Variants in PTPRN2 observed in about 807,000 individuals in gnomAD.
PTPRN2 encodes receptor-type tyrosine-protein phosphatase N2.
Under a neutral mutation model 118.8 loss-of-function variants are expected in PTPRN2, and 74 were observed. The ratio of observed to expected loss-of-function variants is 0.62; its 90% CI spans 0.52 to 0.76. PTPRN2 has a LOEUF of 0.76. PTPRN2 is among the 30% of genes least tolerant of loss of function. The pLI, the probability that PTPRN2 is intolerant of heterozygous loss-of-function variation, is 0.00. For missense variants in PTPRN2, 1,481 were observed against 1,394.4 expected, an observed-to-expected ratio of 1.06 and a Z score of -0.99; for synonymous variants, 641 against 608.0, an observed-to-expected ratio of 1.05 and a Z score of -0.80.
At chr7:157,542,836 G>A (rs1377906485) in intron 22 of PTPRN2, among the ~76,000 whole-genome samples, 4 of 152,232 alleles carry the variant, frequency 2.6e-5, no homozygotes, top group African/African-American at 4.8e-5. Flanking sequence ...TGTGGGCGTC[G>A]GCTGGCAGGA....
intron 12 of PTPRN2, among the ~76,000 whole-genome samples, chr7:157,702,748 A>G (rs953142607): frequency 6.6e-6 from 1 of 152,232 alleles, no homozygotes; most frequent in African/African-American, 2.4e-5. Flanking sequence ...ATACCACAAC[A>G]TATGCCACCA....
At chr7:157,968,817 GA>G (rs1188790863) in intron 11 of PTPRN2, among the ~76,000 whole-genome samples, 3 of 152,066 alleles carry the variant, frequency 2.0e-5, no homozygotes, top group Non-Finnish European at 2.9e-5. Flanking sequence ...AAGAGTGAGA[GA>G]AAAAAATCCC....
At chr7:158,215,112 G>C (rs1320302143) in intron 3 of PTPRN2, among the ~76,000 whole-genome samples, 3 of 152,116 alleles carry the variant, frequency 2.0e-5, no homozygotes, top group African/African-American at 7.2e-5. Flanking sequence ...GCTTCAATGA[G>C]CAATTATGAA....
chr7:158,147,674 C>A (rs1329138557), intron 6 of PTPRN2, among the ~76,000 whole-genome samples: 4 of 131,124 alleles, frequency 3.1e-5, no homozygotes, highest in Non-Finnish European at 4.9e-5. Flanking sequence ...CTTTCCCCCT[C>A]ACTGACACCC....
intron 6 of PTPRN2, among the ~76,000 whole-genome samples, chr7:158,146,692 G>A (rs930541564): frequency 1.4e-5 from 2 of 145,880 alleles, no homozygotes; most frequent in East Asian, 3.9e-4. Flanking sequence ...CTGCACTCCA[G>A]CCTGGGCGAC....
intron 11 of PTPRN2, among the ~76,000 whole-genome samples, chr7:157,925,593 CG>C (rs1013130284): frequency 2.0e-5 from 3 of 152,192 alleles, no homozygotes; most frequent in African/African-American, 7.2e-5. Context: ...GCAGTGGACT[CG>C]GTCAGGCCAC....
chr7:158,534,672 C>G (rs879941430), intron 1 of PTPRN2, among the ~76,000 whole-genome samples: 13 of 152,218 alleles, frequency 8.5e-5, no homozygotes, highest in Non-Finnish European at 1.9e-4. Flanking sequence ...GAAGCTCCCC[C>G]CATCACCCAG....
At chr7:157,736,775 C>T (rs114962850) in intron 12 of PTPRN2, among the ~76,000 whole-genome samples, 299 of 152,240 alleles carry the variant, frequency 2.0e-3, no homozygotes, top group African/African-American at 6.7e-3. Context: ...CTTTCGTGGA[C>T]GGCGCTCACC....
chr7:158,347,048 A>C (rs548882937), intron 2 of PTPRN2, among the ~76,000 whole-genome samples: 25 of 152,226 alleles, frequency 1.6e-4, no homozygotes, highest in African/African-American at 6.0e-4. Flanking sequence ...CCCCATCCTT[A>C]GGTTGTCTGT....
intron 21 of PTPRN2, among the ~76,000 whole-genome samples, chr7:157,565,514 C>G (rs577231620): frequency 1.3e-5 from 2 of 152,276 alleles, no homozygotes; most frequent in East Asian, 3.9e-4. Context: ...CCGGCCCAGG[C>G]GCAGACCCTG....
chr7:158,299,015 C>T (rs918973861), intron 3 of PTPRN2, among the ~76,000 whole-genome samples: 1 of 152,114 alleles, frequency 6.6e-6, no homozygotes, highest in African/African-American at 2.4e-5. Context: ...CAGCTCAGCC[C>T]GTTTTCAAAT....
intron 3 of PTPRN2, among the ~76,000 whole-genome samples, chr7:158,270,828 C>T (rs1166099630): frequency 4.0e-4 from 3 of 7,408 alleles, no homozygotes; most frequent in Non-Finnish European, 8.0e-4. Context: ...CCCCCTCCAC[C>T]TGGATGACCC....
chr7:157,565,195 G>A (rs1474401257), intron 21 of PTPRN2, among the ~76,000 whole-genome samples: 6 of 152,304 alleles, frequency 3.9e-5, no homozygotes, highest in South Asian at 4.1e-4. Flanking sequence ...ATGTCCAGTC[G>A]CTGAGTCTGA....
rs1563254462 is a variant in PTPRN2 at position 158,407,189 on chromosome 7, CCTGGGTCCTGGGTCCT to C, written c.163+82530_163+82545del. ...GGGTCCTGCGTCCTGCGTCCTGGGT[CCTGGGTCCTGGGTCCT>C]GGGTCCTGCGTCCTGCGTCCTGGGT... is the stretch of plus-strand genomic sequence containing the variant. On this transcript the variant is annotated intron_variant, in intron 2 of 22. Transcript: ENST00000389418. Among the ~76,000 whole-genome samples the C allele has an allele frequency of 8.2e-3, 221 of 27,032 alleles. 14 individuals carry two copies. The highest frequency in any genetic ancestry group is 0.015 in the Non-Finnish European group (161 of 10,696). The allele number at this position is 27,032 out of a possible 152,430, so 17.7% of individuals were successfully genotyped here. A position where few individuals can be genotyped will look rare whatever the true frequency, so the allele number is the denominator to read the frequency against.
Position 158,133,674 on chromosome 7 carries a change from C to T in PTPRN2, c.1556+3G>A. 1 of 1,564,608 alleles carries T rather than the reference C, an allele frequency of 6.4e-7. No individual in the cohort carries two copies. Among genetic ancestry groups the T allele is most frequent in the South Asian group, 1.2e-5 (1 of 85,380 alleles). On this transcript the variant is annotated splice_donor_region_variant and intron_variant, in intron 9 of 22. Transcript: ENST00000389418. ...CAGGAGCTTAGCCAGGGCTGCTACTCACTCTCTGTCTGTCACGATGTAGCC... is the reference window on the plus strand; with the variant it reads ...CAGGAGCTTAGCCAGGGCTGCTACTTACTCTCTGTCTGTCACGATGTAGCC...
Position 158,029,233 on chromosome 7 carries a change from C to T in PTPRN2, c.1723+52065G>A, listed in dbSNP as rs888078988. 3.4e-5 allele frequency: 5 copies of T among 145,952 alleles called. 1 individual carries two copies. The highest frequency in any genetic ancestry group is 2.8e-4 in the Admixed American group (4 of 14,244). 9.0% of individuals were successfully genotyped at this position (145,952 alleles called of 1,614,324 possible). ...ATCCTCTCGCCGGGGGCACGGGGTC[C>T]GTATCCTCTCGCCGGGGGCACGGGG... On this transcript the variant is annotated intron_variant, in intron 11 of 22. Coordinates refer to ENST00000389418, the MANE Select transcript of PTPRN2 (RefSeq NM_002847.5).
At chr7:157,573,887 T>G (rs915655022) in intron 19 of PTPRN2, among the ~76,000 whole-genome samples, 6 of 152,240 alleles carry the variant, frequency 3.9e-5, no homozygotes, top group African/African-American at 1.4e-4. Context: ...CTCAACCTAT[T>G]TACAAAAACC....
intron 14 of PTPRN2, among the ~76,000 whole-genome samples, chr7:157,644,768 C>A (rs1287931774): frequency 6.6e-6 from 1 of 151,202 alleles, no homozygotes; most frequent in Non-Finnish European, 1.5e-5. Context: ...GCACTCCAGC[C>A]TGGGCAACAA....
intron 12 of PTPRN2, among the ~76,000 whole-genome samples, chr7:157,708,145 T>A (rs1451881935): frequency 6.6e-6 from 1 of 152,162 alleles, no homozygotes; most frequent in Non-Finnish European, 1.5e-5. Context: ...TGGAGAAAGG[T>A]GCTTTGCCTC....
Sources: allele counts gnomAD v4.1 joint callset (sites outside exome capture counted in the v4.1 genomes callset), GRCh38; gene constraint gnomAD v4.1.1; transcripts MANE v1.5; gene names NCBI Gene and HGNC (gene_info 2026-07-23, HGNC 2026-07-21).